Variants in ARHGAP21 observed in about 807,000 individuals in gnomAD.
ARHGAP21 encodes the protein Rho GTPase activating protein 21, also known as rho GTPase-activating protein 21.
A neutral mutation model predicts 164.6 loss-of-function variants in ARHGAP21; 38 were observed. The observed-to-expected ratio is 0.23, with a 90% confidence interval of 0.18 to 0.30. ARHGAP21 has a LOEUF of 0.30. Among genes scored for constraint, ARHGAP21 ranks in the 10% least tolerant of loss-of-function variants. The pLI is 1.00. For synonymous variants in ARHGAP21, 766 were observed against 857.9 expected, an observed-to-expected ratio of 0.89 and a Z score of 1.87; for missense variants, 1,822 against 2,370.7, an observed-to-expected ratio of 0.77 and a Z score of 4.81.
chr10:24,594,812 A>G, intron 21 of ARHGAP21, 138 bp downstream of exon 21: 1 of 579,172 alleles, frequency 1.7e-6, no homozygotes, highest in Non-Finnish European at 2.7e-6. Context: ...TTGCTTTTAA[A>G]AACAATTTTA....
intron 2 of ARHGAP21, among the ~76,000 whole-genome samples, chr10:24,682,764 G>T (rs1288170867): frequency 1.3e-5 from 2 of 151,764 alleles, no homozygotes; most frequent in Non-Finnish European, 2.9e-5. Context: ...GACGTATCTA[G>T]ATGTTTTTTC....
chr10:24,597,411 CATT>C (rs753684223), intron 16 of ARHGAP21, 33 bp downstream of exon 16: 35 of 1,597,872 alleles, frequency 2.2e-5, no homozygotes, highest in Middle Eastern at 1.8e-4. Context: ...AATTTTAAAT[CATT>C]ATATTTATTT....
At chr10:24,624,845 G>A (rs1834938425) in intron 7 of ARHGAP21, among the ~76,000 whole-genome samples, 1 of 151,964 alleles carries the variant, frequency 6.6e-6, no homozygotes, top group Non-Finnish European at 1.5e-5. Flanking sequence ...ACTAGCTCTT[G>A]TGAATTCAAC....
chr10:24,659,516 T>C (rs1839452833), intron 4 of ARHGAP21, among the ~76,000 whole-genome samples: 1 of 152,162 alleles, frequency 6.6e-6, no homozygotes, highest in South Asian at 2.1e-4. Flanking sequence ...GGTTTCTCCA[T>C]GTTGGTCAGG....
At chr10:24,586,295 G>A (rs1276602036) in intron 25 of ARHGAP21, among the ~76,000 whole-genome samples, 189 bp from the exon 26 acceptor site, 4 of 151,522 alleles carry the variant, frequency 2.6e-5, no homozygotes, top group African/African-American at 9.7e-5. Context: ...TTTATTTAAT[G>A]AGTCCAATTT....
Position 24,600,704 on chromosome 10 carries a change from C to G in ARHGAP21, c.3074G>C (p.Arg1025Thr). ...CTTGATCCAAGCTAGCATATCATCT[C>G]TGTCTTCAGCCTGAAACAGGCATTC... ...DCECLFQAEDRDDMLAWIKTI... is the reference protein window; with the variant it reads ...DCECLFQAEDTDDMLAWIKTI... Residue 1025 changes from arginine to threonine, a missense_variant, in exon 14 of 26, where the codon AGA becomes ACA. Around this residue, in one of 5 missense-constraint regions of ARHGAP21, gnomAD observed 1,090 missense variants for 1,378.9 expected, o/e 0.79. Transcript: ENST00000396432. 6.2e-7 allele frequency: 1 copy of G among 1,613,990 alleles called. No homozygotes were observed. Among genetic ancestry groups the G allele is most frequent in the Non-Finnish European group, 8.5e-7 (1 of 1,179,866 alleles).
intron 2 of ARHGAP21, among the ~76,000 whole-genome samples, chr10:24,679,443 T>C (rs1436810116): frequency 1.3e-5 from 2 of 152,186 alleles, no homozygotes; most frequent in Non-Finnish European, 2.9e-5. Flanking sequence ...CCTAAAACCA[T>C]CACCTTGAGG....
rs563210752 is a variant in ARHGAP21 at position 24,688,543 on chromosome 10, G to C, written c.64-18146C>G. 2.6e-4 allele frequency among the ~76,000 whole-genome samples: 39 copies of C among 152,310 alleles called. No homozygotes were observed. The South Asian group carries it at 7.9e-3, about 31-fold the overall frequency. On this transcript the variant is annotated intron_variant, in intron 2 of 25. Coordinates refer to ENST00000396432, the MANE Select transcript of ARHGAP21 (RefSeq NM_020824.4). ...ATTAAGGCAGGACAGACCAGTAAGA[G>C]AGTACTGCTCCAATAGGCCAAGACT...
At chr10:24,645,489 C>T (rs1401090976) in intron 4 of ARHGAP21, among the ~76,000 whole-genome samples, 1 of 150,920 alleles carries the variant, frequency 6.6e-6, no homozygotes, top group African/African-American at 2.4e-5. Flanking sequence ...GAGGCTAAGG[C>T]AGGATAATCG....
At position 24,722,134 on chromosome 10, in the gene ARHGAP21, C is replaced by T. The variant is rs2132366666; in HGVS notation, c.-235G>A. 1.8e-6 allele frequency: 1 copy of T among 566,822 alleles called. No individual in the cohort carries two copies. The highest frequency in any genetic ancestry group is 3.0e-5 in the East Asian group (1 of 33,010). 35.1% of individuals were successfully genotyped at this position (566,822 alleles called of 1,614,324 possible). ...CGCCTTCTTCTTCCATTTCTGGAGA[C>T]TTAAAAACAAAGGCGACAGGTCTTC... On this transcript the variant is annotated 5_prime_UTR_variant, in exon 2 of 26. Coordinates refer to ENST00000396432, the MANE Select transcript of ARHGAP21 (RefSeq NM_020824.4).
intron 2 of ARHGAP21, among the ~76,000 whole-genome samples, chr10:24,702,998 A>G (rs1224000538): frequency 6.6e-6 from 1 of 152,172 alleles, no homozygotes; most frequent in African/African-American, 2.4e-5. Context: ...CACATAATAC[A>G]TAGTTTATAT....
intron 12 of ARHGAP21, among the ~76,000 whole-genome samples, chr10:24,603,611 G>A (rs899108252): frequency 2.6e-5 from 4 of 152,144 alleles, no homozygotes; most frequent in Admixed American, 2.6e-4. Context: ...AAGAGAATCC[G>A]AAGAAGTGTG....
chr10:24,660,040 C>T (rs1046902985), intron 4 of ARHGAP21, among the ~76,000 whole-genome samples: 110 of 152,254 alleles, frequency 7.2e-4, no homozygotes, highest in African/African-American at 2.5e-3. Context: ...ACCACCACCA[C>T]TACCATCATC....
intron 7 of ARHGAP21, among the ~76,000 whole-genome samples, chr10:24,628,816 CATAT>C (rs369980606): frequency 2.5e-4 from 28 of 110,376 alleles, no homozygotes; most frequent in East Asian, 4.2e-4. Flanking sequence ...CATATATATA[CATAT>C]ACACACATAT....
At chr10:24,610,987 T>G (rs1324670281) in intron 9 of ARHGAP21, among the ~76,000 whole-genome samples, 5 of 152,256 alleles carry the variant, frequency 3.3e-5, no homozygotes, top group Non-Finnish European at 7.3e-5. Context: ...TAACTGTTTT[T>G]TCATCTCATA....
At chr10:24,616,080 T>TTTTA (rs1283366537) in intron 9 of ARHGAP21, among the ~76,000 whole-genome samples, 1 of 152,054 alleles carries the variant, frequency 6.6e-6, no homozygotes, top group African/African-American at 2.4e-5. Flanking sequence ...ACCCGGACTA[T>TTTTA]TTTATTATTT....
chr10:24,719,958 C>T (rs910454720), intron 2 of ARHGAP21, among the ~76,000 whole-genome samples: 2 of 152,052 alleles, frequency 1.3e-5, no homozygotes, highest in South Asian at 4.1e-4. Context: ...GGCAAAATAC[C>T]TATTCTTTAG....
chr10:24,709,020 G>T (rs1306942982), intron 2 of ARHGAP21, among the ~76,000 whole-genome samples: 1 of 152,208 alleles, frequency 6.6e-6, no homozygotes, highest in East Asian at 1.9e-4. Context: ...CATAGAGGTT[G>T]TAACAAAGAA....
chr10:24,720,735 C>G (rs1479713688), intron 2 of ARHGAP21, among the ~76,000 whole-genome samples: 4 of 152,114 alleles, frequency 2.6e-5, no homozygotes, highest in African/African-American at 9.7e-5. Context: ...AGAGCCAGCC[C>G]TTGTTTCAAG....
Sources: gnomAD v4.1 joint callset for allele counts (sites outside exome capture counted in the v4.1 genomes callset) on GRCh38, gnomAD v4.1.1 for gene constraint, gnomAD v4.1.1 regional missense constraint, MANE v1.5 for transcripts, NCBI Gene and HGNC (gene_info 2026-07-23, HGNC 2026-07-21) for gene names.